The following BRINP2 variants were observed in gnomAD, a reference collection of about 807,000 sequenced individuals.
The protein encoded by BRINP2 is BMP/retinoic acid-inducible neural-specific protein 2.
A neutral mutation model predicts 69.2 loss-of-function variants in BRINP2; 21 were observed. The ratio of observed to expected loss-of-function variants is 0.30; its 90% confidence interval spans 0.22 to 0.44. The LOEUF (loss-of-function observed/expected upper bound fraction) is 0.44. Ranked by LOEUF, BRINP2 falls within the 20% of genes least tolerant of loss-of-function variation. The pLI is 1.00. For synonymous variants in BRINP2, 380 were observed against 394.1 expected, an observed-to-expected ratio of 0.96 and a Z score of 0.42; for missense variants, 877 against 986.0, an observed-to-expected ratio of 0.89 and a Z score of 1.48.
chr1:177,253,271 A>ATT (rs1650639414), intron 2 of BRINP2, among the ~76,000 whole-genome samples: 1 of 151,836 alleles, frequency 6.6e-6, no homozygotes, highest in African/African-American at 2.4e-5. Context: ...TTCACTGTGC[A>ATT]TTTGATTTGT....
At chr1:177,232,602 C>T (rs991607661) in intron 2 of BRINP2, among the ~76,000 whole-genome samples, 3 of 152,112 alleles carry the variant, frequency 2.0e-5, no homozygotes, top group African/African-American at 4.8e-5. Flanking sequence ...ACTTGTAGGG[C>T]TCTACATTAT....
intron 1 of BRINP2, among the ~76,000 whole-genome samples, chr1:177,172,912 T>G (rs1387777835): frequency 2.0e-5 from 3 of 152,248 alleles, no homozygotes; most frequent in Non-Finnish European, 2.9e-5. Flanking sequence ...AGGTATATTA[T>G]AAGTCAAGTA....
chr1:177,275,073 C>T (rs1042625235), intron 5 of BRINP2: 1 of 454,288 alleles, frequency 2.2e-6, no homozygotes, highest in South Asian at 1.6e-5. Context: ...CCTCACTTTC[C>T]TGGCACAAGG....
chr1:177,192,976 C>A (rs748062837), intron 1 of BRINP2, among the ~76,000 whole-genome samples: 1 of 152,146 alleles, frequency 6.6e-6, no homozygotes, highest in African/African-American at 2.4e-5. Flanking sequence ...CTGCAAAGAC[C>A]GTATGGTGAA....
intron 4 of BRINP2, among the ~76,000 whole-genome samples, chr1:177,268,180 C>T (rs1248470583): frequency 6.6e-6 from 1 of 152,184 alleles, no homozygotes; most frequent in Non-Finnish European, 1.5e-5. Context: ...ATTGACATGC[C>T]CATTTTGTCC....
chr1:177,266,693 G>A (rs1331354703), intron 4 of BRINP2, among the ~76,000 whole-genome samples: 1 of 149,734 alleles, frequency 6.7e-6, no homozygotes, highest in Non-Finnish European at 1.5e-5. Flanking sequence ...TGGCGAGGTG[G>A]AGCTTGCAGT....
At chr1:177,243,645 C>A (rs993462247) in intron 2 of BRINP2, among the ~76,000 whole-genome samples, 1 of 152,162 alleles carries the variant, frequency 6.6e-6, no homozygotes, top group African/African-American at 2.4e-5. Context: ...TAGATACAAT[C>A]AAGACAGTAT....
At chr1:177,188,697 C>T (rs994913535) in intron 1 of BRINP2, among the ~76,000 whole-genome samples, 3 of 152,166 alleles carry the variant, frequency 2.0e-5, no homozygotes, top group Admixed American at 6.5e-5. Context: ...CTGAGGTACA[C>T]GTGTTTTTTC....
At chr1:177,184,179 A>C (rs1244552904) in intron 1 of BRINP2, among the ~76,000 whole-genome samples, 1 of 152,206 alleles carries the variant, frequency 6.6e-6, no homozygotes, top group African/African-American at 2.4e-5. Flanking sequence ...AACAGCTTAG[A>C]GGAGGTTTAT....
At chr1:177,185,395 C>T (rs1648397430) in intron 1 of BRINP2, among the ~76,000 whole-genome samples, 1 of 152,136 alleles carries the variant, frequency 6.6e-6, no homozygotes, top group Non-Finnish European at 1.5e-5. Flanking sequence ...ATGGAAAGTA[C>T]TGCCGTAAGG....
At chr1:177,254,314 A>G (rs1650679451) in intron 2 of BRINP2, among the ~76,000 whole-genome samples, 1 of 152,028 alleles carries the variant, frequency 6.6e-6, no homozygotes, top group Non-Finnish European at 1.5e-5. Flanking sequence ...GTCATACCAC[A>G]TAACACTAAG....
At chr1:177,201,057 G>T (rs913368164) in intron 1 of BRINP2, among the ~76,000 whole-genome samples, 2 of 152,018 alleles carry the variant, frequency 1.3e-5, no homozygotes, top group African/African-American at 4.8e-5. Context: ...GTTGGTGAGG[G>T]ATAAAAGACT....
At chr1:177,208,997 A>G (rs1649147417) in intron 1 of BRINP2, among the ~76,000 whole-genome samples, 1 of 152,110 alleles carries the variant, frequency 6.6e-6, no homozygotes, top group Admixed American at 6.6e-5. Flanking sequence ...CTGCATCACC[A>G]AGAGTGAGGC....
intron 1 of BRINP2, among the ~76,000 whole-genome samples, chr1:177,184,299 T>G (rs1648363347): frequency 6.6e-6 from 1 of 151,948 alleles, no homozygotes; most frequent in Admixed American, 6.6e-5. Context: ...AGTTATTAGG[T>G]CTCCCCTCCC....
At chr1:177,278,396 C>T (rs1031415133) in intron 6 of BRINP2, among the ~76,000 whole-genome samples, 167 bp from the exon 7 acceptor site, 1 of 152,078 alleles carries the variant, frequency 6.6e-6, no homozygotes, top group Non-Finnish European at 1.5e-5. Context: ...AATTATTTCT[C>T]AATAAAGGTG....
intron 1 of BRINP2, among the ~76,000 whole-genome samples, chr1:177,192,551 G>A (rs1394974077): frequency 6.6e-6 from 1 of 152,126 alleles, no homozygotes; most frequent in African/African-American, 2.4e-5. Flanking sequence ...TTGGTTTGTG[G>A]GAGGAAATGA....
rs572492420 is a variant in BRINP2 at position 177,261,402 on chromosome 1, A to G, written c.669+4018A>G. 1.4e-4 allele frequency among the ~76,000 whole-genome samples: 21 copies of G among 152,356 alleles called. No individual in the cohort carries two copies. In the South Asian group the frequency reaches 4.4e-3, roughly 32 times the overall value. On this transcript the variant is annotated intron_variant, in intron 4 of 7. Coordinates refer to ENST00000361539, the MANE Select transcript of BRINP2 (RefSeq NM_021165.4). ...AGAATATATTTTGATGATAGAGCCTATGCAATCAGACAATAGATTGGAAGA... is the reference window on the plus strand; with the variant it reads ...AGAATATATTTTGATGATAGAGCCTGTGCAATCAGACAATAGATTGGAAGA...
chr1:177,172,233 A>G (rs1647957294), intron 1 of BRINP2, among the ~76,000 whole-genome samples: 1 of 152,178 alleles, frequency 6.6e-6, no homozygotes. Context: ...CAGTCAGGAA[A>G]ATAAAATTCC....
At chr1:177,193,290 C>G (rs553186104) in intron 1 of BRINP2, among the ~76,000 whole-genome samples, 1 of 152,272 alleles carries the variant, frequency 6.6e-6, no homozygotes, top group South Asian at 2.1e-4. Context: ...TGTTTCCAAA[C>G]AGTTTTGATC....
Sources: allele counts gnomAD v4.1 joint callset (sites outside exome capture counted in the v4.1 genomes callset), GRCh38; gene constraint gnomAD v4.1.1; transcripts MANE v1.5; gene names NCBI Gene and HGNC (gene_info 2026-07-23, HGNC 2026-07-21).